The following IDI2 variants were observed in gnomAD, a reference collection of about 807,000 sequenced individuals.
The protein encoded by IDI2 is isopentenyl-diphosphate delta isomerase 2, also known as isopentenyl-diphosphate delta-isomerase 2.
Under a neutral mutation model 14.8 loss-of-function variants are expected in IDI2, and 18 were observed. That is an observed-to-expected ratio of 1.22 (90% CI 0.84 to 1.80). The LOEUF is 1.80. IDI2 is among the 40% of genes most tolerant of loss of function. The pLI is 0.00. For missense variants in IDI2, 316 were observed against 283.2 expected, an observed-to-expected ratio of 1.12 and a Z score of -0.83; for synonymous variants, 133 against 109.6, an observed-to-expected ratio of 1.21 and a Z score of -1.33.
At chr10:1,020,719 C>G in intron 4 of IDI2, 48 bp downstream of exon 4, 1 of 1,549,192 alleles carries the variant, frequency 6.5e-7, no homozygotes, top group Non-Finnish European at 8.7e-7. Flanking sequence ...CTGCCCGCTG[C>G]CAACCTGGAC....
At chr10:1,020,192 G>C (rs536150903) in intron 4 of IDI2, among the ~76,000 whole-genome samples, 2 of 152,026 alleles carry the variant, frequency 1.3e-5, no homozygotes, top group East Asian at 3.9e-4. Context: ...ATGCTCACAG[G>C]ATCCTGGACA....
At chr10:1,024,851 G>A (rs1832184545) in intron 1 of IDI2, 107 bp from the exon 2 acceptor site, 1 of 1,004,934 alleles carries the variant, frequency 1.0e-6, no homozygotes, top group East Asian at 2.4e-5. Flanking sequence ...TTCTCTACAA[G>A]TGACAGCAAT....
chr10:1,024,368 G>C (rs1366385072), intron 2 of IDI2, among the ~76,000 whole-genome samples: 1 of 152,202 alleles, frequency 6.6e-6, no homozygotes, highest in African/African-American at 2.4e-5. Flanking sequence ...CGGATGCCTA[G>C]GAGAAGGTGC....
At chr10:1,020,226 T>C (rs1032758368) in intron 4 of IDI2, among the ~76,000 whole-genome samples, 1 of 144,134 alleles carries the variant, frequency 6.9e-6, no homozygotes, top group Non-Finnish European at 1.5e-5. Flanking sequence ...TGAATTTCTT[T>C]CTTTTTTTTT....
chr10:1,023,931 C>G (rs553809539), intron 2 of IDI2, among the ~76,000 whole-genome samples: 1 of 151,916 alleles, frequency 6.6e-6, no homozygotes, highest in Admixed American at 6.6e-5. Flanking sequence ...CACATGTACC[C>G]CATTAATATG....
At chr10:1,020,704 ACCGTCTGC>A in intron 4 of IDI2, 55 bp downstream of exon 4, 1 of 1,508,850 alleles carries the variant, frequency 6.6e-7, no homozygotes, top group Non-Finnish European at 8.9e-7. Flanking sequence ...GACTTTGTTC[ACCGTCTGC>A]CCGCTGCCAA....
Position 1,019,913 on chromosome 10 carries a change from C to T in IDI2, c.367-79G>A, listed in dbSNP as rs898191140. On this transcript the variant is annotated intron_variant, in intron 4 of 4. Coordinates refer to ENST00000277517, the MANE Select transcript of IDI2 (RefSeq NM_033261.3). Reference sequence around the variant, plus strand: ...TACAGAAAAATAGAGAAAATAAACACATTTGTTTTCCTCAGAAAATGAACA... The same window carrying T: ...TACAGAAAAATAGAGAAAATAAACATATTTGTTTTCCTCAGAAAATGAACA... 2.8e-6 allele frequency: 3 copies of T among 1,052,768 alleles called. No individual in the cohort carries two copies. In the South Asian group the frequency reaches 4.5e-5, roughly 16 times the overall value. 65.2% of individuals were successfully genotyped at this position (1,052,768 alleles called of 1,614,324 possible). A position where few individuals can be genotyped will look rare whatever the true frequency, so the allele number is the denominator to read the frequency against.
At chr10:1,020,059 A>T in intron 4 of IDI2, 2 of 570,366 alleles carry the variant, frequency 3.5e-6, no homozygotes, top group Non-Finnish European at 6.2e-6. Flanking sequence ...GTCTGTCTTC[A>T]TTTAAAGAAC....
In IDI2 at chr10:1,022,706, G is replaced by A. The variant is rs770536353; in HGVS notation, c.212C>T (p.Ser71Leu). Residue 71 changes from serine to leucine, a missense_variant, in exon 3 of 5, where the codon TCG becomes TTG. Physicochemically the swap from Ser to Leu is moderately radical, Grantham distance 145 (BLOSUM62 -2). Transcript: ENST00000277517. ...ACCAGGAAACGTGACTTTCGTGTCCGACCTCTGCTGTATCAGGATTCGATT... is the reference window on the plus strand; with the variant it reads ...ACCAGGAAACGTGACTTTCGTGTCCAACCTCTGCTGTATCAGGATTCGATT... ...TKNRILIQQRSDTKVTFPGYF... is the reference protein window; with the variant it reads ...TKNRILIQQRLDTKVTFPGYF... 1.4e-5 allele frequency: 22 copies of A among 1,613,796 alleles called. No individual in the cohort carries two copies. The highest frequency in any genetic ancestry group is 4.4e-5 in the South Asian group (4 of 91,066).
intron 2 of IDI2, 101 bp downstream of exon 2, chr10:1,024,481 C>T: frequency 1.5e-6 from 2 of 1,346,972 alleles, no homozygotes; most frequent in Non-Finnish European, 1.0e-6. Context: ...CCAGTGGTCG[C>T]CTCCTAGCCG....
rs17851563 is a variant in IDI2, at chr10:1,019,518, C to T, written c.683G>A (p.Ter228=). 52,942 of 1,610,176 alleles carry T rather than the reference C, an allele frequency of 0.033. 1,051 individuals carry two copies. Among genetic ancestry groups the T allele is most frequent in the Non-Finnish European group, 0.038 (44,527 of 1,177,192 alleles). ...TGGCTGACTCGACCTCCCTGCCTCTCACACTCTGTGTATTTTGTGAAGCTC... is the reference window on the plus strand; with the variant it reads ...TGGCTGACTCGACCTCCCTGCCTCTTACACTCTGTGTATTTTGTGAAGCTC... ...FVELHKIHRV[*] Residue 228 remains the stop codon, a stop_retained_variant, in exon 5 of 5, where the codon TGA becomes TAA. Transcript: ENST00000277517.
chr10:1,020,693 GGACTTT>G, intron 4 of IDI2, 68 bp downstream of exon 4: 1 of 1,451,854 alleles, frequency 6.9e-7, no homozygotes, highest in South Asian at 1.4e-5. Flanking sequence ...GATCCAGCCT[GGACTTT>G]GTTCACCGTC....
chr10:1,019,887 T>G (rs1350177523), intron 4 of IDI2, 53 bp from the exon 5 acceptor site: 41 of 1,258,568 alleles, frequency 3.3e-5, no homozygotes, highest in Non-Finnish European at 4.6e-5. Context: ...AACACAGAAT[T>G]TACAGAAAAA....
chr10:1,020,549 C>A (rs1378532815), intron 4 of IDI2, among the ~76,000 whole-genome samples: 1 of 152,148 alleles, frequency 6.6e-6, no homozygotes, highest in Non-Finnish European at 1.5e-5. Context: ...CTGCCTGGGA[C>A]ACATAGGGAC....
Position 1,020,788 on chromosome 10 carries a change from C to G in IDI2, c.345G>C (p.Glu115Asp), listed in dbSNP as rs1266573166. 5 of 1,612,904 alleles carry G rather than the reference C, an allele frequency of 3.1e-6. No homozygotes were observed. The African/African-American group carries it at 5.3e-5, about 17-fold the overall frequency. The stretch of plus-strand genomic sequence containing the variant: ...GTACCTGCTCCCCAGGAATTCCCAG[C>G]TCTGCTTGCAGACGCCTCTGGGCTG... ...RRAAQRRLQA[E>D]LGIPGEQISP... is the part of the protein sequence containing the mutation. Residue 115 changes from glutamate to aspartate, a missense_variant, in exon 4 of 5, where the codon GAG (glutamate) becomes GAC (aspartate). Coordinates refer to ENST00000277517, the MANE Select transcript of IDI2 (RefSeq NM_033261.3).
rs1832058099 is a variant in IDI2 at position 1,019,754 on chromosome 10, A to G, written c.447T>C (p.Ile149=). Residue 149 remains isoleucine, a synonymous_variant, in exon 5 of 5, where the codon ATT becomes ATC. Transcript: ENST00000277517. ...KSDRIWGEHE[I]CYLLLVRKNV... is the part of the protein sequence containing the mutation. ...TTTTCCTCACAAGCAGAAGGTAACA[A>G]ATTTCATGCTCTCCCCAAATTCTGT... 1.2e-6 allele frequency: 2 copies of G among 1,613,844 alleles called. No homozygotes were observed. Among genetic ancestry groups the G allele is most frequent in the Non-Finnish European group, 8.5e-7 (1 of 1,179,994 alleles).
At chr10:1,020,480 C>T (rs533071072) in intron 4 of IDI2, among the ~76,000 whole-genome samples, 10 of 152,324 alleles carry the variant, frequency 6.6e-5, no homozygotes, top group African/African-American at 9.6e-5. Flanking sequence ...TGAGCCACCA[C>T]GCCCGGCTTG....
At chr10:1,023,007 G>A (rs1832139377) in intron 2 of IDI2, among the ~76,000 whole-genome samples, 2 of 152,012 alleles carry the variant, frequency 1.3e-5, no homozygotes, top group Non-Finnish European at 2.9e-5. Context: ...CCACTACCAG[G>A]GCAAATATCC....
rs1474770663 is a variant in IDI2, at chr10:1,020,816, C to G, written c.317G>C (p.Arg106Thr). The change falls in exon 4 of 5, where the codon AGG becomes ACG. Residue 106 changes from arginine (R) to threonine (T), a missense_variant. Physicochemically the swap from Arg to Thr is moderately conservative, Grantham distance 71 (BLOSUM62 -1). Coordinates refer to ENST00000277517, the MANE Select transcript of IDI2 (RefSeq NM_033261.3). ...LEEKDAIGVRRAAQRRLQAEL... is the reference protein window; with the variant it reads ...LEEKDAIGVRTAAQRRLQAEL... Reference sequence around the variant, plus strand: ...TGCTTGCAGACGCCTCTGGGCTGCCCTCCTCACTCCGATGGCATCCTTTTC... The same window carrying G: ...TGCTTGCAGACGCCTCTGGGCTGCCGTCCTCACTCCGATGGCATCCTTTTC... The G allele has an allele frequency of 1.9e-6, 3 of 1,614,038 alleles. No homozygotes were observed. The highest frequency in any genetic ancestry group is 2.5e-6 in the Non-Finnish European group (3 of 1,179,954).
Sources: allele counts gnomAD v4.1 joint callset (sites outside exome capture counted in the v4.1 genomes callset), GRCh38; gene constraint gnomAD v4.1.1; transcripts MANE v1.5; gene names NCBI Gene and HGNC (gene_info 2026-07-23, HGNC 2026-07-21).